ADGRG7: variants seen among roughly 807,000 people sequenced by gnomAD.
The protein encoded by ADGRG7 is adhesion G protein-coupled receptor G7, also known as G-protein coupled receptor 128.
A neutral mutation model predicts 88.6 loss-of-function variants in ADGRG7; 82 were observed. The observed-to-expected ratio is 0.93, with a 90% CI of 0.77 to 1.11. The LOEUF is 1.11. Ranked by LOEUF, ADGRG7 falls within the 50% of genes most tolerant of loss-of-function variation. The pLI is 0.00. For synonymous variants in ADGRG7, 381 were observed against 345.2 expected, an observed-to-expected ratio of 1.10 and a Z score of -1.15; for missense variants, 945 against 953.4, an observed-to-expected ratio of 0.99 and a Z score of 0.12.
chr3:100,673,859 A>G (rs528563824), intron 15 of ADGRG7, among the ~76,000 whole-genome samples: 1 of 151,610 alleles, frequency 6.6e-6, no homozygotes, highest in Non-Finnish European at 1.5e-5. Flanking sequence ...TCGTGTCTCT[A>G]TCTCCTTCAG....
At chr3:100,662,345 A>T (rs575543293) in intron 14 of ADGRG7, among the ~76,000 whole-genome samples, 1 of 152,302 alleles carries the variant, frequency 6.6e-6, no homozygotes, top group African/African-American at 2.4e-5. Context: ...GACAGTAAAA[A>T]AATTTAGCAA....
At position 100,609,862 on chromosome 3, in the gene ADGRG7, T is replaced by C. The variant is rs148992070; in HGVS notation, c.6T>C (p.Ala2=). M[A]SCRAWNLRVL... is the part of the protein sequence containing the mutation. ...ATTTGTGGTTTGGCTTCACCATGGC[T>C]TCCTGCCGTGCCTGGAACCTTAGGG... The change falls in exon 1 of 16, where the codon GCT becomes GCC. Residue 2 remains alanine (A), a synonymous_variant. Transcript: ENST00000273352. The C allele has an allele frequency of 4.2e-5, 68 of 1,613,654 alleles. No individual in the cohort carries two copies. In the African/African-American group the frequency reaches 8.3e-4, roughly 20 times the overall value.
intron 15 of ADGRG7, among the ~76,000 whole-genome samples, chr3:100,675,163 T>G (rs648678): frequency 0.88 from 134,485 of 152,214 alleles, 61,193 homozygotes; most frequent in Non-Finnish European, 1. Flanking sequence ...GGGCATCCTT[T>G]TTGTGTTCCA....
chr3:100,610,078 A>T, intron 1 of ADGRG7, 107 bp downstream of exon 1: 1 of 841,562 alleles, frequency 1.2e-6, no homozygotes. Context: ...AGTCTGAGGC[A>T]TTCCACCAAG....
chr3:100,678,982 G>T (rs1423022413), intron 15 of ADGRG7, among the ~76,000 whole-genome samples: 1 of 152,134 alleles, frequency 6.6e-6, no homozygotes, highest in Middle Eastern at 3.2e-3. Context: ...GCTACTCAAG[G>T]CTCAACAGCT....
rs1707682844 is a variant in ADGRG7 at position 100,643,555 on chromosome 3, A to G, written c.868A>G (p.Thr290Ala). ...TAGCAGTTCTCTAGTTTCTAGTTCA[A>G]CATTTATACATACAAATGTGGATGG... Reference protein sequence around the residue: ...GASSSLVSSSTFIHTNVDGLN... With the variant: ...GASSSLVSSSAFIHTNVDGLN... Residue 290 changes from threonine (T) to alanine (A), a missense_variant, in exon 8 of 16, where the codon ACA becomes GCA. Transcript: ENST00000273352. The G allele has an allele frequency of 1.5e-5, 24 of 1,613,880 alleles. No homozygotes were observed. The highest frequency in any genetic ancestry group is 2.0e-5 in the Non-Finnish European group (24 of 1,179,890).
In ADGRG7 at chr3:100,694,949, G is replaced by T. The variant is rs765722811; in HGVS notation, c.2342G>T (p.Ser781Ile). ...ERFRLLETSP[S>I]TEEITLSESD... ...TTTAGGCTACTGGAAACCTCTCCGA[G>T]TACTGAGGAAATCACACTCTCTGAA... The change falls in exon 16 of 16, where the codon AGT becomes ATT. Residue 781 changes from serine to isoleucine, a missense_variant. Ser to Ile is a moderately radical substitution (Grantham distance 142, BLOSUM62 -2). Coordinates refer to ENST00000273352, the MANE Select transcript of ADGRG7 (RefSeq NM_032787.3). 1 of 1,614,166 alleles carries T rather than the reference G, an allele frequency of 6.2e-7. No homozygotes were observed. Among genetic ancestry groups the T allele is most frequent in the South Asian group, 1.1e-5 (1 of 91,088 alleles).
intron 1 of ADGRG7, among the ~76,000 whole-genome samples, chr3:100,617,533 T>C (rs1288216660): frequency 6.6e-6 from 1 of 152,146 alleles, no homozygotes; most frequent in Non-Finnish European, 1.5e-5. Context: ...TCCATGTCCC[T>C]ACAAAGGACA....
Position 100,629,675 on chromosome 3 carries a change from T to C in ADGRG7, c.193T>C (p.Cys65Arg). Reference protein sequence around the residue: ...GGTWENGRCICTEEWKGLRCT... With the variant: ...GGTWENGRCIRTEEWKGLRCT... Reference sequence around the variant, plus strand: ...AACCTGGGAAAATGGCAGATGTATTTGTACAGAAGAGTGGAAAGGACTGAG... The same window carrying C: ...AACCTGGGAAAATGGCAGATGTATTCGTACAGAAGAGTGGAAAGGACTGAG... Residue 65 changes from cysteine to arginine, a missense_variant, in exon 2 of 16, where the codon TGT (cysteine) becomes CGT (arginine). Coordinates refer to ENST00000273352, the MANE Select transcript of ADGRG7 (RefSeq NM_032787.3). 1 of 1,613,246 alleles carries C rather than the reference T, an allele frequency of 6.2e-7. No individual in the cohort carries two copies. The highest frequency in any genetic ancestry group is 8.5e-7 in the Non-Finnish European group (1 of 1,179,308).
chr3:100,643,378 T>A lies in ADGRG7; in HGVS notation c.811T>A (p.Ser271Thr). ...NFSSENAVGPSNVRFSVQKGA... is the reference protein window; with the variant it reads ...NFSSENAVGPTNVRFSVQKGA... Reference sequence around the variant, plus strand: ...CTCTTCAGAAAATGCGGTGGGGCCTTCAAATGTTCGCTTCTCTGTGCAGAA... The same window carrying A: ...CTCTTCAGAAAATGCGGTGGGGCCTACAAATGTTCGCTTCTCTGTGCAGAA... Residue 271 changes from serine (S) to threonine (T), a missense_variant, in exon 7 of 16, where the codon TCA becomes ACA. By Grantham distance (58) the Ser-to-Thr change is moderately conservative. Coordinates refer to ENST00000273352, the MANE Select transcript of ADGRG7 (RefSeq NM_032787.3). 1 of 1,614,032 alleles carries A rather than the reference T, an allele frequency of 6.2e-7. No homozygotes were observed. The highest frequency in any genetic ancestry group is 8.5e-7 in the Non-Finnish European group (1 of 1,179,924).
chr3:100,633,448 A>G lies in ADGRG7; in HGVS notation c.447+71A>G, dbSNP rs1459496338. The G allele has an allele frequency of 5.6e-6, 4 of 716,328 alleles. No individual in the cohort carries two copies. In the Admixed American group the frequency reaches 1.2e-4, roughly 21 times the overall value. 44.4% of individuals were successfully genotyped at this position (716,328 alleles called of 1,614,324 possible). A position where few individuals can be genotyped will look rare whatever the true frequency, so the allele number is the denominator to read the frequency against. On this transcript the variant is annotated intron_variant, in intron 4 of 15. Transcript: ENST00000273352. ...TCCGTGCAGTTTCTGTTCTTCAGAT[A>G]CCTGATGGTCAAATCAATTCTTTTA...
chr3:100,609,628 G>T lies in ADGRG7; in HGVS notation c.-229G>T. 2.5e-6 allele frequency: 1 copy of T among 401,108 alleles called. No individual in the cohort carries two copies. The allele number at this position is 401,108 out of a possible 1,614,324, so 24.8% of individuals were successfully genotyped here. A position where few individuals can be genotyped will look rare whatever the true frequency, so the allele number is the denominator to read the frequency against. On this transcript the variant is annotated 5_prime_UTR_variant, in exon 1 of 16. The change creates a new upstream start codon in the 5' untranslated region. Coordinates refer to ENST00000273352, the MANE Select transcript of ADGRG7 (RefSeq NM_032787.3). Reference sequence around the variant, plus strand: ...TTTTTTCATGTTCTCCTTGAGTGAAGGATGAGGAAATTGAAAGCAGAGTAT... The same window carrying T: ...TTTTTTCATGTTCTCCTTGAGTGAATGATGAGGAAATTGAAAGCAGAGTAT...
chr3:100,692,680 A>G (rs2094995948), intron 15 of ADGRG7, among the ~76,000 whole-genome samples: 1 of 152,224 alleles, frequency 6.6e-6, no homozygotes, highest in Non-Finnish European at 1.5e-5. Flanking sequence ...GGAAAATCAC[A>G]TAACCTCTGT....
intron 15 of ADGRG7, among the ~76,000 whole-genome samples, chr3:100,678,417 T>C (rs1021262487): frequency 1.2e-4 from 19 of 152,198 alleles, no homozygotes; most frequent in African/African-American, 4.3e-4. Flanking sequence ...TCTGTCTCTC[T>C]GGGATTGGTC....
chr3:100,625,889 G>T lies in ADGRG7; in HGVS notation c.116-3709G>T, dbSNP rs998837925. Among the ~76,000 whole-genome samples the T allele has an allele frequency of 4.6e-5, 7 of 152,330 alleles. No individual in the cohort carries two copies. The East Asian group carries it at 1.3e-3, about 29-fold the overall frequency. On this transcript the variant is annotated intron_variant, in intron 1 of 15. Transcript: ENST00000273352. Reference sequence around the variant, plus strand: ...TCCTAGGGATGAAGCCAACTTGATCGTGGTGGATAAGCTTTTTGATGTGCT... The same window carrying T: ...TCCTAGGGATGAAGCCAACTTGATCTTGGTGGATAAGCTTTTTGATGTGCT...
chr3:100,654,791 T>C, intron 11 of ADGRG7, 44 bp from the exon 12 acceptor site: 4 of 1,199,896 alleles, frequency 3.3e-6, no homozygotes, highest in East Asian at 2.6e-5. Context: ...TGTGCAGTTG[T>C]TGTGTTTCAT....
In ADGRG7 at chr3:100,659,439, C is replaced by CAAAAAAAAAAAAAAAAAAAAAAAAAAAA. The variant is rs373835556; in HGVS notation, c.1824-224_1824-223insAAAAAAAAAAAAAAAAAAAAAAAAAAAA. ...TGGGCGACAGAGCAAGACTCAGTCT[C>CAAAAAAAAAAAAAAAAAAAAAAAAAAAA]AAAAAAAAAAAAAAAAAAAAAAAAA... On this transcript the variant is annotated intron_variant, in intron 13 of 15. Coordinates refer to ENST00000273352, the MANE Select transcript of ADGRG7 (RefSeq NM_032787.3). Among the ~76,000 whole-genome samples the CAAAAAAAAAAAAAAAAAAAAAAAAAAAA allele has an allele frequency of 2.5e-5, 2 of 80,906 alleles. 1 individual carries two copies. The highest frequency in any genetic ancestry group is 4.0e-5 in the Non-Finnish European group (2 of 49,570). The allele number at this position is 80,906 out of a possible 152,430, so 53.1% of individuals were successfully genotyped here. A position where few individuals can be genotyped will look rare whatever the true frequency, so the allele number is the denominator to read the frequency against.
At chr3:100,687,730 C>T (rs1304947591) in intron 15 of ADGRG7, among the ~76,000 whole-genome samples, 4 of 152,226 alleles carry the variant, frequency 2.6e-5, no homozygotes, top group Non-Finnish European at 4.4e-5. Flanking sequence ...ATGAAGCCCA[C>T]TTGATCATGG....
At chr3:100,621,080 C>T (rs577687005) in intron 1 of ADGRG7, among the ~76,000 whole-genome samples, 2 of 152,116 alleles carry the variant, frequency 1.3e-5, no homozygotes, top group East Asian at 1.9e-4. Context: ...AGATGGCAAA[C>T]ATAATCAATA....
Sources: gnomAD v4.1 joint callset for allele counts (sites outside exome capture counted in the v4.1 genomes callset) on GRCh38, gnomAD v4.1.1 for gene constraint, MANE v1.5 for transcripts, NCBI Gene and HGNC (gene_info 2026-07-23, HGNC 2026-07-21) for gene names.